The following XPA variants were observed in gnomAD, a reference collection of about 807,000 sequenced individuals.
XPA encodes DNA repair protein complementing XP-A cells.
Under a neutral mutation model 35.7 loss-of-function variants are expected in XPA, and 27 were observed. The observed-to-expected ratio is 0.76, with a 90% CI of 0.56 to 1.04. XPA has a LOEUF of 1.04. Ranked by LOEUF, XPA falls within the 50% of genes least tolerant of loss-of-function variation. The probability of loss-of-function intolerance (pLI) is 0.00; values close to 1 mark genes in which losing one functional copy is unlikely to be tolerated. For synonymous variants in XPA, 133 were observed against 118.4 expected, an observed-to-expected ratio of 1.12 and a Z score of -0.80; for missense variants, 354 against 342.7, an observed-to-expected ratio of 1.03 and a Z score of -0.26.
At chr9:97,679,835 C>G (rs3176724) in intron 5 of XPA, among the ~76,000 whole-genome samples, 17,953 of 152,114 alleles carry the variant, frequency 0.12, 3,005 homozygotes, top group African/African-American at 0.37. Context: ...CCTTAAAAGA[C>G]AGAGCTGGTA....
At chr9:97,671,030 C>A, downstream of XPA, 1 of 1,181,716 alleles carries the variant, frequency 8.5e-7, no homozygotes, top group Non-Finnish European at 1.2e-6. Context: ...AAATGTTCCA[C>A]AAGATTGCTT....
chr9:97,688,206 C>T (rs1280997859), intron 3 of XPA, among the ~76,000 whole-genome samples: 1 of 152,164 alleles, frequency 6.6e-6, no homozygotes, highest in Non-Finnish European at 1.5e-5. Flanking sequence ...ACGTTCCTTT[C>T]TGGAGGCACT....
intron 5 of XPA, chr9:97,682,522 C>G: frequency 2.0e-6 from 1 of 500,970 alleles, no homozygotes; most frequent in South Asian, 1.4e-5. Flanking sequence ...AGTAATGTTA[C>G]AGAACTTAGG....
chr9:97,682,146 A>C (rs1828562771), intron 5 of XPA: 1 of 387,774 alleles, frequency 2.6e-6, no homozygotes. Flanking sequence ...ATCAATTCTC[A>C]AACTGCTAAA....
the XPA span, among the ~76,000 whole-genome samples, chr9:97,657,880 G>GGTAA: frequency 2.2e-5 from 3 of 136,048 alleles, no homozygotes; most frequent in Admixed American, 7.4e-5. Flanking sequence ...GAGGAGCCCC[G>GGTAA]GTAAGCTCTC....
chr9:97,695,006 C>T (rs1828999263), intron 1 of XPA, among the ~76,000 whole-genome samples: 1 of 152,158 alleles, frequency 6.6e-6, no homozygotes, highest in Non-Finnish European at 1.5e-5. Context: ...CTGTATGACT[C>T]AATGTACATG....
the XPA span, among the ~76,000 whole-genome samples, chr9:97,666,297 T>C: frequency 6.6e-6 from 1 of 152,238 alleles, no homozygotes; most frequent in Non-Finnish European, 1.5e-5. Flanking sequence ...CTAATGAGTT[T>C]CTTAAACATT....
intron 2 of XPA, among the ~76,000 whole-genome samples, chr9:97,690,539 C>T (rs1587749222): frequency 6.6e-6 from 1 of 152,172 alleles, no homozygotes; most frequent in South Asian, 2.1e-4. Context: ...AGGCACGCAC[C>T]ACCATGCCCA....
chr9:97,693,670 C>T lies in XPA; in HGVS notation c.262G>A (p.Gly88Arg). 3 of 1,613,492 alleles carry T rather than the reference C, an allele frequency of 1.9e-6. No individual in the cohort carries two copies. Among genetic ancestry groups the T allele is most frequent in the Non-Finnish European group, 1.7e-6 (2 of 1,179,890 alleles). ...TTACCTGGTTGATGAACAACTTTTC[C>T]AATTTTCTGTTCTTCTTCTTCTTCC... ...EEEEEEEQKIGKVVHQPGPVM... is the reference protein window; with the variant it reads ...EEEEEEEQKIRKVVHQPGPVM... The change falls in exon 2 of 6, where the codon GGA becomes AGA. Residue 88 changes from glycine to arginine, a missense_variant. Gly to Arg is a moderately radical substitution (Grantham distance 125). Coordinates refer to ENST00000375128, the MANE Select transcript of XPA (RefSeq NM_000380.4).
the XPA span, chr9:97,655,690 TTC>T: frequency 2.5e-6 from 4 of 1,602,848 alleles, no homozygotes; most frequent in Non-Finnish European, 3.4e-6. Context: ...TACCTCCCCC[TTC>T]TCTACGTAGG....
In XPA at chr9:97,685,041, C is replaced by A. The variant is rs1828672205; in HGVS notation, c.556-1G>T. On this transcript the variant is annotated splice_acceptor_variant, in intron 4 of 5. Transcript: ENST00000375128. LOFTEE classifies it high-confidence loss of function. Reference sequence around the variant, plus strand: ...AAACTTCAAGAGACCTCTTCACAATCTACAACACAAAATCCATATTTAAAT... The same window carrying A: ...AAACTTCAAGAGACCTCTTCACAATATACAACACAAAATCCATATTTAAAT... 6.2e-7 allele frequency: 1 copy of A among 1,611,464 alleles called. No individual in the cohort carries two copies. Among genetic ancestry groups the A allele is most frequent in the South Asian group, 1.1e-5 (1 of 91,016 alleles).
At chr9:97,678,557 T>C (rs1399062163) in intron 5 of XPA, among the ~76,000 whole-genome samples, 2 of 152,070 alleles carry the variant, frequency 1.3e-5, no homozygotes, top group Non-Finnish European at 2.9e-5. Flanking sequence ...TTCATACCAA[T>C]GATAAGTAAA....
At chr9:97,663,341 C>T in the XPA span, among the ~76,000 whole-genome samples, 1 of 152,038 alleles carries the variant, frequency 6.6e-6, no homozygotes, top group Non-Finnish European at 1.5e-5. Flanking sequence ...ATTTCTCAAA[C>T]CTTGATATAT....
At chr9:97,671,344 G>A, downstream of XPA, 1 of 595,468 alleles carries the variant, frequency 1.7e-6, no homozygotes, top group Non-Finnish European at 2.9e-6. Flanking sequence ...GAATGAACAT[G>A]GCATTACTTT....
chr9:97,676,738 G>C (rs770744086), intron 5 of XPA, among the ~76,000 whole-genome samples: 1 of 152,162 alleles, frequency 6.6e-6, no homozygotes, highest in African/African-American at 2.4e-5. Context: ...CCAAGGCACA[G>C]AGAAGTTATA....
intron 2 of XPA, among the ~76,000 whole-genome samples, chr9:97,692,160 G>A (rs1392201636): frequency 1.3e-5 from 2 of 151,682 alleles, no homozygotes; most frequent in South Asian, 2.1e-4. Context: ...GCCTGGTGGT[G>A]CATGCCTATA....
At chr9:97,656,922 G>A in the XPA span, among the ~76,000 whole-genome samples, 100 of 152,190 alleles carry the variant, frequency 6.6e-4, 3 homozygotes, top group South Asian at 0.016. Flanking sequence ...TTTGCCAGCC[G>A]TCCCAACACC....
At chr9:97,674,074 C>T (rs1237080035), downstream of XPA, among the ~76,000 whole-genome samples, 2 of 152,096 alleles carry the variant, frequency 1.3e-5, no homozygotes, top group Non-Finnish European at 2.9e-5. Flanking sequence ...GAGTAATTTA[C>T]CCACGGTCCA....
intron 5 of XPA, among the ~76,000 whole-genome samples, chr9:97,682,900 A>T (rs747307126): frequency 6.6e-6 from 1 of 152,200 alleles, no homozygotes; most frequent in Non-Finnish European, 1.5e-5. Context: ...TAGAATTCTT[A>T]TTAAAAAAAG....
Sources: allele counts gnomAD v4.1 joint callset (sites outside exome capture counted in the v4.1 genomes callset), GRCh38; gene constraint gnomAD v4.1.1; transcripts MANE v1.5; gene names NCBI Gene and HGNC (gene_info 2026-07-23, HGNC 2026-07-21).